Variants in ADAMTSL1 observed in about 807,000 individuals in gnomAD.
The protein encoded by ADAMTSL1 is ADAMTS-like protein 1.
Under a neutral mutation model 201.8 loss-of-function variants are expected in ADAMTSL1, and 126 were observed. The observed-to-expected ratio is 0.62, with a 90% CI of 0.54 to 0.72. The LOEUF is 0.72. ADAMTSL1 is among the 30% of genes least tolerant of loss of function. The pLI, the probability that ADAMTSL1 is intolerant of heterozygous loss-of-function variation, is 0.00. For synonymous variants in ADAMTSL1, 1,121 were observed against 903.4 expected, an observed-to-expected ratio of 1.24 and a Z score of -4.32; for missense variants, 2,679 against 2,277.8, an observed-to-expected ratio of 1.18 and a Z score of -3.59.
intron 1 of ADAMTSL1, among the ~76,000 whole-genome samples, chr9:18,152,680 A>G (rs1466858424): frequency 6.6e-6 from 1 of 151,930 alleles, no homozygotes; most frequent in Non-Finnish European, 1.5e-5. Flanking sequence ...TAAGAGGGTG[A>G]TGACTGAGGG....
intron 7 of ADAMTSL1, among the ~76,000 whole-genome samples, chr9:18,645,626 C>A (rs910970468): frequency 2.0e-5 from 3 of 151,780 alleles, no homozygotes; most frequent in Non-Finnish European, 4.4e-5. Flanking sequence ...GTTTTCCCAG[C>A]ACCATTTATT....
intron 1 of ADAMTSL1, among the ~76,000 whole-genome samples, chr9:17,979,486 T>TAA: frequency 6.6e-6 from 1 of 152,082 alleles, no homozygotes; most frequent in East Asian, 1.9e-4. Context: ...TTACTCTCTA[T>TAA]TGCATTGTTC....
chr9:18,354,853 C>A (rs1159244139), intron 2 of ADAMTSL1, among the ~76,000 whole-genome samples: 2 of 152,100 alleles, frequency 1.3e-5, no homozygotes, highest in African/African-American at 4.8e-5. Context: ...CGCCTGTAGT[C>A]CCAGGTACTT....
At chr9:18,009,289 T>A (rs1819955383) in intron 1 of ADAMTSL1, among the ~76,000 whole-genome samples, 1 of 152,048 alleles carries the variant, frequency 6.6e-6, no homozygotes, top group African/African-American at 2.4e-5. Flanking sequence ...TCAGGAGGCT[T>A]ATCTAACTGT....
chr9:18,855,253 A>G (rs1430093522), intron 23 of ADAMTSL1, among the ~76,000 whole-genome samples: 3 of 152,166 alleles, frequency 2.0e-5, no homozygotes, highest in Admixed American at 6.5e-5. Context: ...TAAGGAACAC[A>G]CTGGTATAGT....
intron 3 of ADAMTSL1, among the ~76,000 whole-genome samples, 194 bp downstream of exon 3, chr9:18,533,486 C>T (rs552654868): frequency 1.3e-5 from 2 of 152,258 alleles, no homozygotes; most frequent in Admixed American, 1.3e-4. Context: ...ATCATTTGAG[C>T]AGCTTGAAAC....
intron 21 of ADAMTSL1, among the ~76,000 whole-genome samples, chr9:18,821,094 G>T (rs1824182382): frequency 6.6e-6 from 1 of 152,162 alleles, no homozygotes; most frequent in South Asian, 2.1e-4. Context: ...AAAAGCAAAG[G>T]AAGTATTTGA....
At chr9:18,684,036 C>T (rs140015353) in intron 12 of ADAMTSL1, among the ~76,000 whole-genome samples, 66 of 152,272 alleles carry the variant, frequency 4.3e-4, no homozygotes, top group African/African-American at 1.5e-3. Flanking sequence ...GCCGTTAGAA[C>T]ATCCCTCTTC....
intron 2 of ADAMTSL1, among the ~76,000 whole-genome samples, chr9:18,293,666 A>C (rs2132694479): frequency 6.6e-6 from 1 of 152,354 alleles, no homozygotes; most frequent in East Asian, 1.9e-4. Flanking sequence ...CTTCATATGC[A>C]ATTTGGCCTT....
At chr9:18,075,382 G>A (rs1823171368) in intron 1 of ADAMTSL1, among the ~76,000 whole-genome samples, 1 of 152,176 alleles carries the variant, frequency 6.6e-6, no homozygotes, top group East Asian at 1.9e-4. Flanking sequence ...GCAGAAAAAA[G>A]CCCTGGTAGT....
chr9:18,449,320 C>G (rs1421245871), intron 2 of ADAMTSL1, among the ~76,000 whole-genome samples: 1 of 151,212 alleles, frequency 6.6e-6, no homozygotes, highest in African/African-American at 2.4e-5. Context: ...ATCTAAATAG[C>G]TTGACATGCA....
In ADAMTSL1 at chr9:18,740,538, G is replaced by A. The variant is rs149391386; in HGVS notation, c.2007-12760G>A. On this transcript the variant is annotated intron_variant, in intron 15 of 28. Transcript: ENST00000380548. ...GTCACCCAGGCTACAGTGCAATGGC[G>A]CAATCTCAGCTCATTGCAGCCTCCA... Among the ~76,000 whole-genome samples, 637 of 139,746 alleles carry A rather than the reference G, an allele frequency of 4.6e-3. 3 individuals are homozygous for A. Among genetic ancestry groups the A allele is most frequent in the African/African-American group, 0.016 (583 of 36,688 alleles). 91.7% of individuals were successfully genotyped at this position (139,746 alleles called of 152,430 possible).
At chr9:18,476,601 T>C (rs1320805819) in intron 1 of ADAMTSL1, among the ~76,000 whole-genome samples, 1 of 152,180 alleles carries the variant, frequency 6.6e-6, no homozygotes, top group Non-Finnish European at 1.5e-5. Context: ...GAACTAGAAG[T>C]GTGGCATCAT....
intron 2 of ADAMTSL1, among the ~76,000 whole-genome samples, chr9:18,517,590 C>T (rs1818436288): frequency 6.8e-6 from 1 of 147,512 alleles, no homozygotes; most frequent in African/African-American, 2.5e-5. Flanking sequence ...CACCACAGTC[C>T]CCAGCGTGTG....
intron 20 of ADAMTSL1, among the ~76,000 whole-genome samples, chr9:18,797,387 C>A (rs1174308578): frequency 2.6e-5 from 4 of 152,246 alleles, no homozygotes; most frequent in Admixed American, 1.3e-4. Context: ...AGGTGGTTCA[C>A]CAGCTCCTGT....
intron 1 of ADAMTSL1, among the ~76,000 whole-genome samples, chr9:17,984,414 CCTT>C (rs1315900825): frequency 2.6e-5 from 4 of 151,710 alleles, no homozygotes; most frequent in Non-Finnish European, 4.4e-5. Context: ...TTTTTTCTAG[CCTT>C]CTTTTTTCTT....
At chr9:18,798,806 C>T (rs889783541) in intron 20 of ADAMTSL1, among the ~76,000 whole-genome samples, 1 of 152,224 alleles carries the variant, frequency 6.6e-6, no homozygotes, top group African/African-American at 2.4e-5. Context: ...TTCTGCCTCT[C>T]AGATTCATTT....
chr9:18,647,861 C>T (rs1827922983), intron 7 of ADAMTSL1, among the ~76,000 whole-genome samples: 1 of 151,374 alleles, frequency 6.6e-6, no homozygotes, highest in Admixed American at 6.6e-5. Flanking sequence ...AATGTACATT[C>T]TGTTGATTTG....
At chr9:18,849,879 T>G (rs2131365417) in intron 23 of ADAMTSL1, among the ~76,000 whole-genome samples, 1 of 152,086 alleles carries the variant, frequency 6.6e-6, no homozygotes, top group East Asian at 1.9e-4. Context: ...CAAAGTGGAG[T>G]ATAGAGACCC....
Sources: allele counts gnomAD v4.1 joint callset (sites outside exome capture counted in the v4.1 genomes callset), GRCh38; gene constraint gnomAD v4.1.1; transcripts MANE v1.5; gene names NCBI Gene and HGNC (gene_info 2026-07-23, HGNC 2026-07-21).